The following TGM5 variants were observed in gnomAD, a reference collection of about 807,000 sequenced individuals.
The protein encoded by TGM5 is transglutaminase 5.
Under a neutral mutation model 77.2 loss-of-function variants are expected in TGM5, and 69 were observed. That is an observed-to-expected ratio of 0.89 (90% confidence interval 0.74 to 1.09). TGM5 has a LOEUF of 1.09. TGM5 is among the 50% of genes least tolerant of loss of function. The probability of loss-of-function intolerance (pLI) is 0.00; values close to 1 mark genes in which losing one functional copy is unlikely to be tolerated. For missense variants in TGM5, 842 were observed against 896.5 expected (o/e 0.94, Z 0.78); for synonymous variants, 346 against 351.8 (o/e 0.98, Z 0.18).
At position 43,232,989 on chromosome 15, in the gene TGM5, AC is replaced by A; in HGVS notation, c.*201del. On this transcript the variant is annotated 3_prime_UTR_variant, in exon 13 of 13. Transcript: ENST00000220420. ...ATGGTTCTGAGTATAGGGGTAGTAA[AC>A]AAAGCAAAGTCTTTGCCCTCATGGA... 1 of 650,948 alleles carries A rather than the reference AC, an allele frequency of 1.5e-6. No homozygotes were observed. The highest frequency in any genetic ancestry group is 2.8e-5 in the East Asian group (1 of 36,054). 40.3% of individuals were successfully genotyped at this position (650,948 alleles called of 1,614,324 possible).
chr15:43,234,696 C>T, intron 11 of TGM5, 73 bp downstream of exon 11: 2 of 1,601,366 alleles, frequency 1.2e-6, no homozygotes, highest in Middle Eastern at 1.7e-4. Flanking sequence ...CCAGGCTGCC[C>T]TCTCACAGGG....
chr15:43,252,932 TTGATC>T lies in TGM5; in HGVS notation c.685-1_688del. The T allele has an allele frequency of 6.2e-7, 1 of 1,613,090 alleles. No individual in the cohort carries two copies. Among genetic ancestry groups the T allele is most frequent in the Non-Finnish European group, 8.5e-7 (1 of 1,180,002 alleles). On this transcript the variant is annotated splice_acceptor_variant and coding_sequence_variant, in exon 6 of 13. Coordinates refer to ENST00000220420, the MANE Select transcript of TGM5 (RefSeq NM_201631.4). LOFTEE classifies it high-confidence loss of function. ...GAGCACCCCATTATCATCATTGCTG[TTGATC>T]TGAAGAGAAGCCATATAGAGAAGTG...
chr15:43,260,211 C>G lies in TGM5; in HGVS notation c.277G>C (p.Glu93Gln), dbSNP rs112186611. ...TCTGTGGAGGTGGCCCCATTGGTCT[C>G]CAGCCAGGCAATCCAGGGGCTGGGG... ...HSPSPWIAWL[E>Q]TNGATSTEVS... Residue 93 changes from glutamate to glutamine, a missense_variant, in exon 3 of 13, where the codon GAG (glutamate) becomes CAG (glutamine). Transcript: ENST00000220420. 8.7e-6 allele frequency: 14 copies of G among 1,613,992 alleles called. No homozygotes were observed. The African/African-American group carries it at 9.3e-5, about 11-fold the overall frequency.
At chr15:43,262,086 T>C (rs531663637) in intron 1 of TGM5, among the ~76,000 whole-genome samples, 1 of 152,346 alleles carries the variant, frequency 6.6e-6, no homozygotes, top group Admixed American at 6.5e-5. Flanking sequence ...TTTGCTGTTA[T>C]AGCCCCAACT....
At chr15:43,248,386 T>G (rs1057331397) in intron 6 of TGM5, among the ~76,000 whole-genome samples, 2 of 152,090 alleles carry the variant, frequency 1.3e-5, no homozygotes, top group African/African-American at 2.4e-5. Flanking sequence ...GTTAGTCAAG[T>G]TGGTCTCGAT....
chr15:43,243,201 G>GTT (rs1313927506), intron 6 of TGM5, among the ~76,000 whole-genome samples: 1 of 152,228 alleles, frequency 6.6e-6, no homozygotes. Context: ...GGGATTGTGT[G>GTT]TTATTCATCT....
rs1247239196 is a variant in TGM5, at chr15:43,239,534, A to T, written c.1002-268T>A. The T allele has an allele frequency of 6.0e-6, 3 of 501,136 alleles. No individual in the cohort carries two copies. The Admixed American group carries it at 9.7e-5, about 16-fold the overall frequency. The allele number at this position is 501,136 out of a possible 1,614,324, so 31.0% of individuals were successfully genotyped here. A position where few individuals can be genotyped will look rare whatever the true frequency, so the allele number is the denominator to read the frequency against. On this transcript the variant is annotated intron_variant, in intron 7 of 12. Transcript: ENST00000220420. ...TCGTCTCAAAAAAAAAAAAAAATTA[A>T]CTAGGCATCATGGCACATGCCTATA...
At chr15:43,234,335 T>A (rs992003940) in intron 11 of TGM5, among the ~76,000 whole-genome samples, 34 of 152,160 alleles carry the variant, frequency 2.2e-4, no homozygotes, top group Admixed American at 2.2e-3. Flanking sequence ...AGAGGCCATC[T>A]AGCCTAATCC....
chr15:43,252,563 A>G (rs2042711861), intron 6 of TGM5, among the ~76,000 whole-genome samples, 196 bp downstream of exon 6: 1 of 151,780 alleles, frequency 6.6e-6, no homozygotes, highest in African/African-American at 2.4e-5. Context: ...GGATCCACCC[A>G]CCTCGGGCTC....
intron 1 of TGM5, 189 bp from the exon 2 acceptor site, chr15:43,260,768 G>T (rs1395483229): frequency 2.8e-6 from 2 of 705,194 alleles, no homozygotes; most frequent in African/African-American, 3.5e-5. Flanking sequence ...GAGGTTCCAT[G>T]CATGCGCTTT....
chr15:43,264,218 A>G (rs1179000385), intron 1 of TGM5, among the ~76,000 whole-genome samples: 4 of 152,234 alleles, frequency 2.6e-5, no homozygotes, highest in African/African-American at 9.6e-5. Context: ...TTTGGAAAAC[A>G]GTCTGGAAGT....
Position 43,258,315 on chromosome 15 carries a change from G to A in TGM5, c.437-1629C>T, listed in dbSNP as rs573514253. 4.6e-5 allele frequency among the ~76,000 whole-genome samples: 7 copies of A among 151,638 alleles called. No homozygotes were observed. In the East Asian group the frequency reaches 5.8e-4, roughly 13 times the overall value. Reference sequence around the variant, plus strand: ...TATTACCTGGGTAATAAAATAATGCGTACATCAAACCAAACCTCTGTGGTG... The same window carrying A: ...TATTACCTGGGTAATAAAATAATGCATACATCAAACCAAACCTCTGTGGTG... On this transcript the variant is annotated intron_variant, in intron 3 of 12. Coordinates refer to ENST00000220420, the MANE Select transcript of TGM5 (RefSeq NM_201631.4).
chr15:43,237,184 C>T (rs1259700106), intron 9 of TGM5, among the ~76,000 whole-genome samples: 1 of 152,186 alleles, frequency 6.6e-6, no homozygotes, highest in Non-Finnish European at 1.5e-5. Context: ...CTAGCAAATG[C>T]CATCAAAGCC....
chr15:43,241,769 G>A (rs982766194), intron 6 of TGM5, among the ~76,000 whole-genome samples: 1 of 151,954 alleles, frequency 6.6e-6, no homozygotes, highest in Non-Finnish European at 1.5e-5. Context: ...GAGTAGCTGG[G>A]ATTACAGGCA....
At chr15:43,251,440 G>A (rs1003005552) in intron 6 of TGM5, among the ~76,000 whole-genome samples, 3 of 152,020 alleles carry the variant, frequency 2.0e-5, no homozygotes, top group Non-Finnish European at 4.4e-5. Flanking sequence ...ATATGCACAC[G>A]AAATGCAACA....
chr15:43,240,157 G>A (rs1345136447), intron 7 of TGM5, among the ~76,000 whole-genome samples: 2 of 152,032 alleles, frequency 1.3e-5, no homozygotes, highest in Non-Finnish European at 2.9e-5. Context: ...TATAAAAACT[G>A]GCCATAAAAA....
intron 6 of TGM5, among the ~76,000 whole-genome samples, chr15:43,251,060 C>A (rs493177): frequency 0.53 from 81,211 of 152,144 alleles, 25,906 homozygotes; most frequent in Non-Finnish European, 0.68. Context: ...TTTCCACACA[C>A]TGGAAGGTTC....
intron 7 of TGM5, 132 bp downstream of exon 7, chr15:43,240,720 G>A: frequency 7.0e-6 from 8 of 1,135,254 alleles, no homozygotes; most frequent in Non-Finnish European, 8.9e-6. Context: ...GGGTGGGTGG[G>A]GGAGGGTGAG....
Position 43,250,999 on chromosome 15 carries a change from C to T in TGM5, c.862+1760G>A, listed in dbSNP as rs150133078. On this transcript the variant is annotated intron_variant, in intron 6 of 12. Transcript: ENST00000220420. ...GCAGTTCCAGACAACCACACCCAAA[C>T]CTGGCTCACTCCTTCTACACACACA... 2.1e-3 allele frequency among the ~76,000 whole-genome samples: 326 copies of T among 152,278 alleles called. 2 individuals are homozygous for T. Among genetic ancestry groups the T allele is most frequent in the African/African-American group, 7.3e-3 (305 of 41,550 alleles).
Sources: gnomAD v4.1 joint callset for allele counts (sites outside exome capture counted in the v4.1 genomes callset) on GRCh38, gnomAD v4.1.1 for gene constraint, MANE v1.5 for transcripts, NCBI Gene and HGNC (gene_info 2026-07-23, HGNC 2026-07-21) for gene names.